Variants in SIPA1L1 observed in about 807,000 individuals in gnomAD.
SIPA1L1 encodes signal-induced proliferation-associated 1-like protein 1.
A neutral mutation model predicts 162.7 loss-of-function variants in SIPA1L1; 26 were observed. The observed-to-expected ratio is 0.16, with a 90% CI of 0.12 to 0.22. The LOEUF is 0.22. SIPA1L1 is among the 10% of genes least tolerant of loss of function. The pLI is 1.00. For synonymous variants in SIPA1L1, 829 were observed against 837.4 expected, an observed-to-expected ratio of 0.99 and a Z score of 0.17; for missense variants, 1,874 against 2,241.0, an observed-to-expected ratio of 0.84 and a Z score of 3.31.
At chr14:71,526,560 G>T (rs779971142) in intron 3 of SIPA1L1, among the ~76,000 whole-genome samples, 4 of 152,176 alleles carry the variant, frequency 2.6e-5, no homozygotes, top group Non-Finnish European at 5.9e-5. Context: ...CGAAACTAAG[G>T]CTGGTGGACT....
At chr14:71,379,544 A>G (rs1031008051) in intron 2 of SIPA1L1, 1 of 151,720 alleles carries the variant, frequency 6.6e-6, no homozygotes, top group African/African-American at 2.4e-5. Context: ...CGAGCCTCCT[A>G]CCTCAGCCTT....
At chr14:71,417,119 A>AT (rs1471127633) in intron 2 of SIPA1L1, among the ~76,000 whole-genome samples, 5 of 152,128 alleles carry the variant, frequency 3.3e-5, no homozygotes, top group African/African-American at 1.2e-4. Flanking sequence ...AGCCTTACCA[A>AT]TAACATGAAC....
At position 71,587,689 on chromosome 14, in the gene SIPA1L1, T is replaced by A. The variant is rs983162766; in HGVS notation, c.-184T>A. ...AGAAACTGTTGTGGATTATAACGTT[T>A]AGAAGTTCCAATTTTTCAGTGCTTT... On this transcript the variant is annotated 5_prime_UTR_variant, in exon 5 of 24. Coordinates refer to ENST00000381232, the MANE Select transcript of SIPA1L1 (RefSeq NM_001386936.1). 8 of 598,428 alleles carry A rather than the reference T, an allele frequency of 1.3e-5. No individual in the cohort carries two copies. The highest frequency in any genetic ancestry group is 2.3e-5 in the Non-Finnish European group (8 of 347,414). The allele number at this position is 598,428 out of a possible 1,614,324, so 37.1% of individuals were successfully genotyped here.
At chr14:71,672,238 G>A in intron 11 of SIPA1L1, 110 bp from the exon 12 acceptor site, 1 of 1,030,642 alleles carries the variant, frequency 9.7e-7, no homozygotes, top group Non-Finnish European at 1.4e-6. Flanking sequence ...CTCTTCAGCT[G>A]GCAATAAGGT....
chr14:71,457,942 C>G (rs1302233749), intron 2 of SIPA1L1, among the ~76,000 whole-genome samples: 1 of 152,124 alleles, frequency 6.6e-6, no homozygotes, highest in African/African-American at 2.4e-5. Flanking sequence ...GTCCTAGATT[C>G]CAGTTCTTTT....
chr14:71,381,473 A>G (rs891163194), intron 2 of SIPA1L1, among the ~76,000 whole-genome samples: 1 of 152,210 alleles, frequency 6.6e-6, no homozygotes, highest in African/African-American at 2.4e-5. Flanking sequence ...TAATTTTGTG[A>G]TAATGGTGAT....
intron 2 of SIPA1L1, chr14:71,467,098 G>A (rs2047060763): frequency 6.6e-6 from 1 of 152,168 alleles, no homozygotes; most frequent in Non-Finnish European, 1.5e-5. Flanking sequence ...TCATGTGAAA[G>A]CAATTCCATT....
intron 12 of SIPA1L1, among the ~76,000 whole-genome samples, chr14:71,674,774 C>T (rs1040596697): frequency 2.0e-5 from 3 of 151,862 alleles, no homozygotes; most frequent in Admixed American, 6.6e-5. Flanking sequence ...CCGTTTTAGC[C>T]GGGATGGTCT....
intron 5 of SIPA1L1, among the ~76,000 whole-genome samples, chr14:71,617,871 A>G (rs546481811): frequency 2.6e-5 from 4 of 152,318 alleles, no homozygotes; most frequent in African/African-American, 7.2e-5. Context: ...AGTTTTTCAT[A>G]TATTTTCATG....
chr14:71,623,944 C>T (rs2039709264), intron 6 of SIPA1L1, 104 bp from the exon 7 acceptor site: 2 of 908,928 alleles, frequency 2.2e-6, no homozygotes, highest in Non-Finnish European at 3.3e-6. Flanking sequence ...AAATCATTCC[C>T]TAGCTCTGTG....
intron 7 of SIPA1L1, among the ~76,000 whole-genome samples, chr14:71,644,599 T>G (rs1213119089): frequency 6.6e-6 from 1 of 152,222 alleles, no homozygotes; most frequent in African/African-American, 2.4e-5. Context: ...TTGGAAAAAT[T>G]GGTTCTCTTA....
intron 5 of SIPA1L1, among the ~76,000 whole-genome samples, chr14:71,609,563 T>G (rs1225307046): frequency 1.3e-5 from 2 of 151,762 alleles, no homozygotes; most frequent in Non-Finnish European, 2.9e-5. Flanking sequence ...GCCTCCTGGG[T>G]TCAAGTGATT....
At chr14:71,680,693 TAAAG>T (rs1047677111) in intron 12 of SIPA1L1, among the ~76,000 whole-genome samples, 3 of 151,976 alleles carry the variant, frequency 2.0e-5, no homozygotes, top group Admixed American at 2.0e-4. Context: ...GCAAGACTAA[TAAAG>T]AAGAAAAGGG....
At chr14:71,571,728 G>C (rs1028895518) in intron 4 of SIPA1L1, among the ~76,000 whole-genome samples, 1 of 151,700 alleles carries the variant, frequency 6.6e-6, no homozygotes, top group African/African-American at 2.4e-5. Flanking sequence ...TACAAGCTCC[G>C]CCTCCCGGGT....
chr14:71,387,512 A>G (rs2040432154), intron 2 of SIPA1L1, among the ~76,000 whole-genome samples: 1 of 152,178 alleles, frequency 6.6e-6, no homozygotes, highest in Non-Finnish European at 1.5e-5. Context: ...TTCAGTAATC[A>G]AAGACATCAT....
intron 2 of SIPA1L1, among the ~76,000 whole-genome samples, chr14:71,353,241 T>G (rs1306696265): frequency 6.6e-6 from 1 of 152,244 alleles, no homozygotes; most frequent in Admixed American, 6.5e-5. Context: ...CTCTTAATGG[T>G]GTCCTGTTTT....
chr14:71,387,947 C>A (rs2040466585), intron 2 of SIPA1L1, among the ~76,000 whole-genome samples: 2 of 152,164 alleles, frequency 1.3e-5, no homozygotes, highest in Non-Finnish European at 2.9e-5. Flanking sequence ...TCTAGAGTAT[C>A]AGTATGATAC....
At chr14:71,710,188 G>A (rs539356050) in intron 17 of SIPA1L1, among the ~76,000 whole-genome samples, 169 of 152,276 alleles carry the variant, frequency 1.1e-3, no homozygotes, top group African/African-American at 3.8e-3. Context: ...GGCAGCAATG[G>A]GTTGAGAGTG....
chr14:71,472,275 G>A lies in SIPA1L1; in HGVS notation c.-464-40468G>A, dbSNP rs557765425. Among the ~76,000 whole-genome samples, 5 of 151,216 alleles carry A rather than the reference G, an allele frequency of 3.3e-5. No homozygotes were observed. In the South Asian group the frequency reaches 8.4e-4, roughly 25 times the overall value. ...CTTGTTGTAATTGCGTAATTAAAAT[G>A]TTATGTTATCTGATTAAATCAGTAT... On this transcript the variant is annotated intron_variant, in intron 2 of 23. Transcript: ENST00000381232.
Sources: gnomAD v4.1 joint callset for allele counts (sites outside exome capture counted in the v4.1 genomes callset) on GRCh38, gnomAD v4.1.1 for gene constraint, MANE v1.5 for transcripts, NCBI Gene and HGNC (gene_info 2026-07-23, HGNC 2026-07-21) for gene names.